The following CNTN5 variants were observed in gnomAD, a reference collection of about 807,000 sequenced individuals.
The protein encoded by CNTN5 is contactin 5.
CNTN5 carries 77 observed loss-of-function variants against 129.1 expected under a neutral mutation model. The ratio of observed to expected loss-of-function variants is 0.60; its 90% confidence interval spans 0.50 to 0.72. The LOEUF (loss-of-function observed/expected upper bound fraction) is 0.72, where lower values mean the gene tolerates loss of function less well. Among genes scored for constraint, CNTN5 ranks in the 30% least tolerant of loss-of-function variants. The probability of loss-of-function intolerance (pLI) is 0.00; values close to 1 mark genes in which losing one functional copy is unlikely to be tolerated. For missense variants in CNTN5, 1,478 were observed against 1,328.8 expected (o/e 1.11, Z -1.75); for synonymous variants, 509 against 465.6 (o/e 1.09, Z -1.20).
At chr11:99,414,730 A>G (rs1942567804) in intron 2 of CNTN5, among the ~76,000 whole-genome samples, 1 of 152,112 alleles carries the variant, frequency 6.6e-6, no homozygotes, top group Non-Finnish European at 1.5e-5. Flanking sequence ...TATTTCAAGC[A>G]CAGAGAAGAG....
intron 13 of CNTN5, among the ~76,000 whole-genome samples, chr11:100,155,615 T>C (rs935401798): frequency 2.6e-5 from 4 of 152,108 alleles, no homozygotes; most frequent in African/African-American, 9.7e-5. Context: ...TTGGGGAGTA[T>C]GGCCATTTTC....
chr11:100,212,036 A>C (rs1838960690), intron 15 of CNTN5, among the ~76,000 whole-genome samples: 1 of 152,054 alleles, frequency 6.6e-6, no homozygotes, highest in African/African-American at 2.4e-5. Context: ...CATCTATCAC[A>C]CCCAGTTTAG....
chr11:99,612,779 A>G (rs1037377530), intron 3 of CNTN5, among the ~76,000 whole-genome samples: 3 of 152,164 alleles, frequency 2.0e-5, no homozygotes, highest in Non-Finnish European at 4.4e-5. Flanking sequence ...ACTATTTATT[A>G]TTCTTTATTT....
At chr11:99,646,201 A>T (rs1181569368) in intron 3 of CNTN5, among the ~76,000 whole-genome samples, 1 of 152,172 alleles carries the variant, frequency 6.6e-6, no homozygotes, top group Admixed American at 6.5e-5. Flanking sequence ...ATGTACAATC[A>T]CTGCCTGGAA....
At position 99,895,133 on chromosome 11, in the gene CNTN5, T is replaced by C. The variant is rs550344677; in HGVS notation, c.578-20921T>C. Among the ~76,000 whole-genome samples, 3 of 152,306 alleles carry C rather than the reference T, an allele frequency of 2.0e-5. No individual in the cohort carries two copies. In the South Asian group the frequency reaches 6.2e-4, roughly 32 times the overall value. ...TAAGAACCTTGGTAGCATCAGATAA[T>C]AGAATTGTGATTTTTGCTGCTCCCC... On this transcript the variant is annotated intron_variant, in intron 6 of 24. Transcript: ENST00000524871.
intron 2 of CNTN5, among the ~76,000 whole-genome samples, chr11:99,461,662 TGTATTCTA>T (rs3085518): frequency 0.012 from 1,878 of 152,264 alleles, 42 homozygotes; most frequent in African/African-American, 0.043. Flanking sequence ...TGTCAAAAGT[TGTATTCTA>T]GTATTCTAAT....
intron 1 of CNTN5, among the ~76,000 whole-genome samples, chr11:99,079,414 A>G (rs1865705881): frequency 6.6e-6 from 1 of 152,188 alleles, no homozygotes; most frequent in Non-Finnish European, 1.5e-5. Context: ...TTAGAAAAAA[A>G]AAGTGGAGTA....
chr11:99,099,504 G>A (rs1434459782), intron 1 of CNTN5, among the ~76,000 whole-genome samples: 1 of 151,706 alleles, frequency 6.6e-6, no homozygotes, highest in African/African-American at 2.4e-5. Context: ...TAGTCACACT[G>A]TGTCACCCCA....
At chr11:100,108,563 C>A (rs1591260142) in intron 13 of CNTN5, among the ~76,000 whole-genome samples, 2 of 152,100 alleles carry the variant, frequency 1.3e-5, no homozygotes, top group South Asian at 2.1e-4. Context: ...TGTCAAGATC[C>A]TCTGAGGGAA....
intron 2 of CNTN5, among the ~76,000 whole-genome samples, chr11:99,432,440 CTT>C (rs1943413865): frequency 7.4e-6 from 1 of 135,708 alleles, no homozygotes. Flanking sequence ...CTTTTCTTTC[CTT>C]TTCTTTTCTT....
At chr11:99,928,568 G>A (rs765002571) in intron 7 of CNTN5, among the ~76,000 whole-genome samples, 12 of 152,312 alleles carry the variant, frequency 7.9e-5, no homozygotes, top group South Asian at 2.1e-4. Flanking sequence ...TGCACCCTCC[G>A]AAGCCATGGC....
Position 99,817,596 on chromosome 11 carries a change from G to GTTTTTT in CNTN5, c.56-1929_56-1924dup, listed in dbSNP as rs372057505. 5.7e-4 allele frequency among the ~76,000 whole-genome samples: 57 copies of GTTTTTT among 99,618 alleles called. 1 individual carries two copies. The highest frequency in any genetic ancestry group is 2.9e-3 in the East Asian group (8 of 2,756). 65.4% of individuals were successfully genotyped at this position (99,618 alleles called of 152,430 possible). A position where few individuals can be genotyped will look rare whatever the true frequency, so the allele number is the denominator to read the frequency against. ...TAATTGTTAATACTAGTCTGGGATA[G>GTTTTTT]TTTTTTTTTTTTTTTTTTTTTTTTC... On this transcript the variant is annotated intron_variant, in intron 3 of 24. Transcript: ENST00000524871.
intron 13 of CNTN5, among the ~76,000 whole-genome samples, chr11:100,125,081 A>C (rs2138181617): frequency 6.6e-6 from 1 of 152,198 alleles, no homozygotes; most frequent in Middle Eastern, 3.4e-3. Context: ...GAAATAGGTA[A>C]GGATGATGTT....
chr11:100,228,499 T>C (rs1949426588), intron 16 of CNTN5, among the ~76,000 whole-genome samples: 1 of 152,248 alleles, frequency 6.6e-6, no homozygotes, highest in Non-Finnish European at 1.5e-5. Flanking sequence ...TTCCATTTAT[T>C]ATTTCCAATA....
rs12283171 is a variant in CNTN5 at position 100,153,175 on chromosome 11, G to A, written c.1581-37951G>A. On this transcript the variant is annotated intron_variant, in intron 13 of 24. Transcript: ENST00000524871. Reference sequence around the variant, plus strand: ...TAATCAAACTCTAATCAGCAAAATCGTTTACATGACACTTATTATAATGTT... The same window carrying A: ...TAATCAAACTCTAATCAGCAAAATCATTTACATGACACTTATTATAATGTT... 5.1e-3 allele frequency among the ~76,000 whole-genome samples: 781 copies of A among 152,050 alleles called. 7 individuals are homozygous for A. Among genetic ancestry groups the A allele is most frequent in the African/African-American group, 0.017 (720 of 41,484 alleles).
At chr11:99,938,224 AATTACATTC>A (rs577223614) in intron 7 of CNTN5, among the ~76,000 whole-genome samples, 57 of 152,292 alleles carry the variant, frequency 3.7e-4, no homozygotes, top group African/African-American at 1.3e-3. Context: ...TCACTATTTT[AATTACATTC>A]TAGGATTCTA....
intron 2 of CNTN5, among the ~76,000 whole-genome samples, chr11:99,548,961 C>A (rs1948389757): frequency 6.6e-6 from 1 of 152,122 alleles, no homozygotes; most frequent in Non-Finnish European, 1.5e-5. Context: ...TCAAAAAAAT[C>A]TGATTAGACA....
chr11:99,179,148 G>A (rs1857921411), intron 1 of CNTN5, among the ~76,000 whole-genome samples: 1 of 152,062 alleles, frequency 6.6e-6, no homozygotes, highest in African/African-American at 2.4e-5. Flanking sequence ...TTTAATGGCT[G>A]GGCTGCTGGT....
chr11:100,163,025 C>T (rs1290837179), intron 13 of CNTN5, among the ~76,000 whole-genome samples: 1 of 151,666 alleles, frequency 6.6e-6, no homozygotes, highest in East Asian at 1.9e-4. Context: ...CCTCCTACAG[C>T]CTTAGAAATG....
Sources: allele counts gnomAD v4.1 joint callset (sites outside exome capture counted in the v4.1 genomes callset), GRCh38; gene constraint gnomAD v4.1.1; transcripts MANE v1.5; gene names NCBI Gene and HGNC (gene_info 2026-07-23, HGNC 2026-07-21).